Variants in CLK1 observed in about 807,000 individuals in gnomAD.
CLK1 encodes the protein CDC like kinase 1.
A neutral mutation model predicts 60.9 loss-of-function variants in CLK1; 40 were observed. That is an observed-to-expected ratio of 0.66 (90% CI 0.51 to 0.86). CLK1 has a LOEUF of 0.86. Ranked by LOEUF, CLK1 falls within the 40% of genes least tolerant of loss-of-function variation. The pLI is 0.00. For missense variants in CLK1, 563 were observed against 606.1 expected, an observed-to-expected ratio of 0.93 and a Z score of 0.75; for synonymous variants, 203 against 184.4, an observed-to-expected ratio of 1.10 and a Z score of -0.82.
At chr2:200,854,107 G>T in intron 11 of CLK1, 114 bp from the exon 12 acceptor site, 1 of 631,950 alleles carries the variant, frequency 1.6e-6, no homozygotes, top group South Asian at 2.0e-5. Flanking sequence ...TTAAATGGCA[G>T]CCATGGGATA....
intron 1 of CLK1, chr2:200,864,050 CATT>C: frequency 1.3e-6 from 2 of 1,502,438 alleles, no homozygotes; most frequent in Non-Finnish European, 1.8e-6. Flanking sequence ...ACACTTTCAT[CATT>C]AGACATTAAC....
chr2:200,861,724 T>G lies in CLK1; in HGVS notation c.139A>C (p.Asn47His), dbSNP rs1202145067. The change falls in exon 2 of 13, where the codon AAT (asparagine) becomes CAT (histidine). Residue 47 changes from asparagine (N) to histidine (H), a missense_variant. Coordinates refer to ENST00000321356, the MANE Select transcript of CLK1 (RefSeq NM_004071.4). ...TACCTATCACACATTTTAGAGTGAT[T>G]GTATTTGCAGCGCTTGTTCTCCTGG... is the stretch of plus-strand genomic sequence containing the variant. ...SAQENKRCKY[N>H]HSKMCDSHYL... The G allele has an allele frequency of 4.3e-6, 7 of 1,614,106 alleles. No homozygotes were observed. Among genetic ancestry groups the G allele is most frequent in the Non-Finnish European group, 5.9e-6 (7 of 1,180,002 alleles).
chr2:200,856,237 A>AT (rs1468974657), intron 9 of CLK1, among the ~76,000 whole-genome samples: 8 of 151,496 alleles, frequency 5.3e-5, no homozygotes, highest in Non-Finnish European at 7.4e-5. Context: ...CACCCAGCTA[A>AT]TTTTTTGTAT....
chr2:200,857,454 C>T, intron 7 of CLK1: 1 of 318,426 alleles, frequency 3.1e-6, no homozygotes, highest in Non-Finnish European at 5.8e-6. Flanking sequence ...TAATTTTTAC[C>T]CAGCATTCGA....
At chr2:200,857,058 C>G in intron 7 of CLK1, 73 bp from the exon 8 acceptor site, 1 of 1,228,240 alleles carries the variant, frequency 8.1e-7, no homozygotes, top group Non-Finnish European at 1.2e-6. Context: ...CCACAACAGG[C>G]CGGGTGCAGT....
intron 11 of CLK1, among the ~76,000 whole-genome samples, chr2:200,854,348 A>C (rs1488513486): frequency 6.6e-6 from 1 of 152,068 alleles, no homozygotes; most frequent in African/African-American, 2.4e-5. Context: ...ATCCTGGCTA[A>C]CATGGTGAAA....
intron 5 of CLK1, among the ~76,000 whole-genome samples, chr2:200,858,945 T>C (rs1575078982): frequency 1.3e-5 from 2 of 151,394 alleles, no homozygotes; most frequent in Non-Finnish European, 2.9e-5. Flanking sequence ...GAGGCTGAGG[T>C]GGGCAGGTCA....
intron 1 of CLK1, among the ~76,000 whole-genome samples, chr2:200,862,786 A>T (rs2039162167): frequency 6.6e-6 from 1 of 152,226 alleles, no homozygotes; most frequent in Non-Finnish European, 1.5e-5. Flanking sequence ...AAACGTAATC[A>T]GAGTTATATC....
chr2:200,855,557 G>A (rs908942411), intron 9 of CLK1, among the ~76,000 whole-genome samples: 15 of 151,886 alleles, frequency 9.9e-5, no homozygotes, highest in Admixed American at 7.2e-4. Context: ...CCCCATAGGC[G>A]GAGCTTGCGG....
chr2:200,853,170 A>C lies in CLK1; in HGVS notation c.*136T>G. On this transcript the variant is annotated 3_prime_UTR_variant, in exon 13 of 13. Coordinates refer to ENST00000321356, the MANE Select transcript of CLK1 (RefSeq NM_004071.4). ...ACCTTAGCTATGTACTTAATGAACC[A>C]AATTACCCAAACAAAATAAACATGG... The C allele has an allele frequency of 1.6e-6, 1 of 637,662 alleles. No individual in the cohort carries two copies. The highest frequency in any genetic ancestry group is 2.5e-6 in the Non-Finnish European group (1 of 394,028). 39.5% of individuals were successfully genotyped at this position (637,662 alleles called of 1,614,324 possible).
At chr2:200,863,885 G>A (rs2039184757) in intron 1 of CLK1, among the ~76,000 whole-genome samples, 1 of 152,114 alleles carries the variant, frequency 6.6e-6, no homozygotes, top group Admixed American at 6.5e-5. Context: ...AACCCAAGAG[G>A]AGTGGCTGAA....
intron 9 of CLK1, among the ~76,000 whole-genome samples, chr2:200,856,376 C>T (rs2039044633): frequency 6.6e-6 from 1 of 151,772 alleles, no homozygotes; most frequent in Non-Finnish European, 1.5e-5. Context: ...CACCCTTGGC[C>T]TCCCAAAGTG....
chr2:200,854,124 T>G lies in CLK1; in HGVS notation c.1221-131A>C, dbSNP rs536915716. On this transcript the variant is annotated intron_variant, in intron 11 of 12. Transcript: ENST00000321356. Reference sequence around the variant, plus strand: ...AAATGGCAGCCATGGGATAGAAATGTTACCTGCTTTGCACCAAGGTAATCT... The same window carrying G: ...AAATGGCAGCCATGGGATAGAAATGGTACCTGCTTTGCACCAAGGTAATCT... The G allele has an allele frequency of 6.0e-5, 35 of 579,460 alleles. No individual in the cohort carries two copies. In the African/African-American group the frequency reaches 6.4e-4, roughly 11 times the overall value. The allele number at this position is 579,460 out of a possible 1,614,324, so 35.9% of individuals were successfully genotyped here.
At chr2:200,861,034 C>A in intron 3 of CLK1, 2 of 1,357,918 alleles carry the variant, frequency 1.5e-6, no homozygotes, top group South Asian at 2.0e-5. Context: ...AATTAGGAGC[C>A]AACCAATAAT....
chr2:200,861,205 A>G (rs576949467), intron 3 of CLK1, 33 bp downstream of exon 3: 1 of 1,602,108 alleles, frequency 6.2e-7, no homozygotes, highest in Non-Finnish European at 8.5e-7. Context: ...CATGGGATAT[A>G]AAATTTCCAA....
chr2:200,855,193 A>G (rs72927093), intron 9 of CLK1, 107 bp from the exon 10 acceptor site: 55,533 of 809,296 alleles, frequency 0.069, 2,432 homozygotes, highest in South Asian at 0.1. Flanking sequence ...CATGTAATGT[A>G]GGCTGGGCAC....
Position 200,858,082 on chromosome 2 carries a change from T to C in CLK1, c.556A>G (p.Arg186Gly). Residue 186 changes from arginine (R) to glycine (G), a missense_variant, in exon 6 of 13, where the codon AGA becomes GGA. Physicochemically the swap from Arg to Gly is moderately radical, Grantham distance 125. This residue lies in a region of CLK1 where 360 missense variants were observed against 407.0 expected (regional missense o/e 0.88). Coordinates refer to ENST00000321356, the MANE Select transcript of CLK1 (RefSeq NM_004071.4). ...VECIDHKAGG[R>G]HVAVKIVKNV... is the part of the protein sequence containing the mutation. ...TTAACTATTTTTACTGCTACATGTC[T>C]ACCTCCCCTGTTAGAAAGATGCATG... 1 of 1,602,582 alleles carries C rather than the reference T, an allele frequency of 6.2e-7. No homozygotes were observed. The highest frequency in any genetic ancestry group is 1.1e-5 in the South Asian group (1 of 90,870).
At chr2:200,862,603 AC>A (rs1483515664) in intron 1 of CLK1, among the ~76,000 whole-genome samples, 1 of 152,208 alleles carries the variant, frequency 6.6e-6, no homozygotes, top group African/African-American at 2.4e-5. Flanking sequence ...GCCCGCCTGC[AC>A]CCAGGTGAAA....
rs1559327242 is a variant in CLK1, at chr2:200,857,983, T to C, written c.655A>G (p.Asn219Asp). ...VLEHLNTTDPNSTFRCVQMLE... is the reference protein window; with the variant it reads ...VLEHLNTTDPDSTFRCVQMLE... ...TAATCTGATACTTACAAAGTACTGTTGGGGTCTGTTGTATTCAGATGTTCC... is the reference window on the plus strand; with the variant it reads ...TAATCTGATACTTACAAAGTACTGTCGGGGTCTGTTGTATTCAGATGTTCC... Residue 219 changes from asparagine (N) to aspartate (D), a missense_variant, in exon 6 of 13, where the codon AAC becomes GAC. Coordinates refer to ENST00000321356, the MANE Select transcript of CLK1 (RefSeq NM_004071.4). 1 of 1,613,420 alleles carries C rather than the reference T, an allele frequency of 6.2e-7. No individual in the cohort carries two copies. The highest frequency in any genetic ancestry group is 1.3e-5 in the African/African-American group (1 of 75,050).
Sources: allele counts gnomAD v4.1 joint callset (sites outside exome capture counted in the v4.1 genomes callset), GRCh38; gene constraint gnomAD v4.1.1; regional missense constraint gnomAD v4.1.1; transcripts MANE v1.5; gene names NCBI Gene and HGNC (gene_info 2026-07-23, HGNC 2026-07-21).